The following SYN3 variants were observed in gnomAD, a reference collection of about 807,000 sequenced individuals.
The protein encoded by SYN3 is synapsin III.
In SYN3, 35 loss-of-function variants were observed where a neutral mutation model predicts 65.8. The ratio of observed to expected loss-of-function variants is 0.53; its 90% CI spans 0.41 to 0.70. The LOEUF is 0.70. Among genes scored for constraint, SYN3 ranks in the 30% least tolerant of loss-of-function variants. The probability of loss-of-function intolerance (pLI) is 0.00; values close to 1 mark genes in which losing one functional copy is unlikely to be tolerated. For synonymous variants in SYN3, 270 were observed against 292.9 expected (o/e 0.92, Z 0.80); for missense variants, 680 against 749.0 (o/e 0.91, Z 1.08).
chr22:32,535,461 C>T (rs535194043), intron 9 of SYN3, among the ~76,000 whole-genome samples: 89 of 152,260 alleles, frequency 5.8e-4, no homozygotes, highest in African/African-American at 2.0e-3. Flanking sequence ...TACGTGGCCA[C>T]GTTTGGGGAC....
At chr22:32,715,851 C>G (rs2061031913) in intron 6 of SYN3, among the ~76,000 whole-genome samples, 1 of 149,908 alleles carries the variant, frequency 6.7e-6, no homozygotes, top group Admixed American at 6.6e-5. Context: ...GAAAGAAGTA[C>G]AGAGGAGACA....
chr22:32,999,515 T>C (rs2052994171), intron 2 of SYN3, among the ~76,000 whole-genome samples: 1 of 152,006 alleles, frequency 6.6e-6, no homozygotes, highest in Non-Finnish European at 1.5e-5. Context: ...TGAAACCGTC[T>C]CTACTAAAAA....
chr22:32,926,804 C>T (rs1189397775), intron 4 of SYN3, among the ~76,000 whole-genome samples: 3 of 152,176 alleles, frequency 2.0e-5, no homozygotes, highest in African/African-American at 4.8e-5. Flanking sequence ...TCCCAGAGTA[C>T]TTTGTGGGGT....
intron 6 of SYN3, among the ~76,000 whole-genome samples, chr22:32,765,409 G>A (rs906467528): frequency 7.9e-5 from 12 of 152,146 alleles, no homozygotes; most frequent in African/African-American, 2.9e-4. Flanking sequence ...CCGATCAGTG[G>A]GAATTTCCCC....
chr22:32,602,121 A>G (rs2146623383), intron 6 of SYN3, among the ~76,000 whole-genome samples: 1 of 152,316 alleles, frequency 6.6e-6, no homozygotes, highest in Non-Finnish European at 1.5e-5. Flanking sequence ...TTACAACAAT[A>G]TTAGAGGTAG....
intron 6 of SYN3, among the ~76,000 whole-genome samples, chr22:32,773,969 G>C (rs2045841193): frequency 6.6e-6 from 1 of 152,166 alleles, no homozygotes; most frequent in Non-Finnish European, 1.5e-5. Context: ...AGGGCTGGTA[G>C]AAGCAAAGGA....
chr22:32,572,627 G>A (rs1370054701), intron 7 of SYN3, among the ~76,000 whole-genome samples: 1 of 149,418 alleles, frequency 6.7e-6, no homozygotes, highest in African/African-American at 2.5e-5. Context: ...TTGTCACCCA[G>A]GCTGGAGTAC....
At chr22:32,631,761 A>T (rs1400897683) in intron 6 of SYN3, among the ~76,000 whole-genome samples, 1 of 152,214 alleles carries the variant, frequency 6.6e-6, no homozygotes, top group Non-Finnish European at 1.5e-5. Flanking sequence ...TCCGCTTTAC[A>T]GATGAAGACA....
intron 6 of SYN3, among the ~76,000 whole-genome samples, chr22:32,702,125 A>C (rs543912185): frequency 1.6e-3 from 242 of 152,352 alleles, no homozygotes; most frequent in African/African-American, 4.4e-3. Context: ...GTAGAGACTT[A>C]GTGACAGGAA....
chr22:32,710,098 C>CGT (rs2060937647), intron 6 of SYN3, among the ~76,000 whole-genome samples: 39 of 129,532 alleles, frequency 3.0e-4, no homozygotes, highest in African/African-American at 1.1e-3. Flanking sequence ...CACACACACA[C>CGT]ATGTGTGTGT....
At chr22:32,788,677 T>C (rs1479804307) in intron 6 of SYN3, among the ~76,000 whole-genome samples, 2 of 130,978 alleles carry the variant, frequency 1.5e-5, no homozygotes, top group East Asian at 5.3e-4. Flanking sequence ...TATGTGCAAA[T>C]ACTATACCAT....
intron 7 of SYN3, among the ~76,000 whole-genome samples, chr22:32,556,691 G>A (rs2058501392): frequency 1.3e-5 from 2 of 151,662 alleles, no homozygotes; most frequent in Non-Finnish European, 2.9e-5. Flanking sequence ...AAGCCTGACT[G>A]CTCCTCATGT....
At chr22:32,591,625 G>T (rs754885447) in intron 7 of SYN3, among the ~76,000 whole-genome samples, 3 of 152,058 alleles carry the variant, frequency 2.0e-5, no homozygotes, top group South Asian at 2.1e-4. Context: ...TTATCACCAC[G>T]GCTTCCTCTG....
chr22:32,846,591 T>C (rs1297572799), intron 6 of SYN3, among the ~76,000 whole-genome samples: 1 of 152,192 alleles, frequency 6.6e-6, no homozygotes, highest in African/African-American at 2.4e-5. Flanking sequence ...ATCTTACAGA[T>C]TGGGAAACCA....
intron 6 of SYN3, among the ~76,000 whole-genome samples, chr22:32,691,958 G>T (rs2060666573): frequency 6.6e-6 from 1 of 151,962 alleles, no homozygotes; most frequent in Non-Finnish European, 1.5e-5. Context: ...TAGCAGGTGG[G>T]ACCAGGGTTG....
chr22:33,042,243 T>G (rs957404534), intron 1 of SYN3, among the ~76,000 whole-genome samples: 1 of 152,146 alleles, frequency 6.6e-6, no homozygotes, highest in African/African-American at 2.4e-5. Flanking sequence ...CTGTGGTAGT[T>G]TATTATAACA....
intron 1 of SYN3, among the ~76,000 whole-genome samples, chr22:33,044,307 C>A (rs531905403): frequency 6.6e-6 from 1 of 152,322 alleles, no homozygotes; most frequent in South Asian, 2.1e-4. Context: ...TTTCCTCAAA[C>A]ATGCCTAGTC....
chr22:32,820,812 G>C (rs2047225599), intron 6 of SYN3, among the ~76,000 whole-genome samples: 1 of 152,214 alleles, frequency 6.6e-6, no homozygotes, highest in Non-Finnish European at 1.5e-5. Flanking sequence ...TTCTTGGAAG[G>C]AGAAAAGGAG....
intron 6 of SYN3, among the ~76,000 whole-genome samples, chr22:32,774,792 C>T (rs1321196402): frequency 6.6e-6 from 1 of 152,162 alleles, no homozygotes; most frequent in Non-Finnish European, 1.5e-5. Context: ...TGGGGTTTCT[C>T]CATGTTGGTC....
Sources: allele counts gnomAD v4.1 joint callset (sites outside exome capture counted in the v4.1 genomes callset), GRCh38; gene constraint gnomAD v4.1.1; transcripts MANE v1.5; gene names NCBI Gene and HGNC (gene_info 2026-07-23, HGNC 2026-07-21).